The following MACROD2 variants were observed in gnomAD, a reference collection of about 807,000 sequenced individuals.
MACROD2 encodes mono-ADP ribosylhydrolase 2.
A neutral mutation model predicts 70.4 loss-of-function variants in MACROD2; 36 were observed. The ratio of observed to expected loss-of-function variants is 0.51; its 90% CI spans 0.39 to 0.68. The LOEUF (loss-of-function observed/expected upper bound fraction) is 0.68, where lower values mean the gene tolerates loss of function less well. MACROD2 is among the 30% of genes least tolerant of loss of function. The probability of loss-of-function intolerance (pLI) is 0.00; values close to 1 mark genes in which losing one functional copy is unlikely to be tolerated. For missense variants in MACROD2, 496 were observed against 538.4 expected (o/e 0.92, Z 0.78); for synonymous variants, 172 against 178.8 (o/e 0.96, Z 0.30).
At chr20:14,848,602 C>G (rs1286484189) in intron 5 of MACROD2, among the ~76,000 whole-genome samples, 1 of 152,116 alleles carries the variant, frequency 6.6e-6, no homozygotes, top group Non-Finnish European at 1.5e-5. Flanking sequence ...TAAGCCTGTA[C>G]TGTCTGATAT....
At chr20:14,599,264 C>T (rs778049398) in intron 4 of MACROD2, among the ~76,000 whole-genome samples, 1 of 151,922 alleles carries the variant, frequency 6.6e-6, no homozygotes, top group Non-Finnish European at 1.5e-5. Context: ...TCTGTTGTGC[C>T]CTATTAAAAT....
At chr20:14,706,117 C>T (rs1296503037) in intron 5 of MACROD2, among the ~76,000 whole-genome samples, 1 of 151,982 alleles carries the variant, frequency 6.6e-6, no homozygotes, top group East Asian at 1.9e-4. Flanking sequence ...AGATCGATAC[C>T]ATCCTGGCCA....
intron 5 of MACROD2, among the ~76,000 whole-genome samples, chr20:14,836,856 C>T (rs2073035315): frequency 6.6e-6 from 1 of 151,914 alleles, no homozygotes; most frequent in African/African-American, 2.4e-5. Flanking sequence ...TTTTATGATT[C>T]CAAAAGCATA....
chr20:15,483,310 A>G (rs1240540940), intron 7 of MACROD2, among the ~76,000 whole-genome samples: 1 of 152,300 alleles, frequency 6.6e-6, no homozygotes, highest in East Asian at 1.9e-4. Context: ...GTTTGTTGAA[A>G]AGACTTGCTT....
chr20:14,782,815 TC>T (rs2072318703), intron 5 of MACROD2, among the ~76,000 whole-genome samples: 1 of 152,060 alleles, frequency 6.6e-6, no homozygotes, highest in Non-Finnish European at 1.5e-5. Flanking sequence ...CCAGTCTCTA[TC>T]CCAGGTGCTG....
At chr20:14,886,325 A>T (rs1195956059) in intron 5 of MACROD2, among the ~76,000 whole-genome samples, 1 of 152,126 alleles carries the variant, frequency 6.6e-6, no homozygotes, top group Non-Finnish European at 1.5e-5. Flanking sequence ...GGCTGGAGTG[A>T]ACTAAGAGGA....
chr20:15,672,602 C>T (rs1480552715), intron 8 of MACROD2, among the ~76,000 whole-genome samples: 2 of 152,114 alleles, frequency 1.3e-5, no homozygotes, highest in Non-Finnish European at 2.9e-5. Context: ...TCAGCCTCGG[C>T]CAATTCACAC....
At chr20:15,302,756 A>G (rs1231461855) in intron 6 of MACROD2, among the ~76,000 whole-genome samples, 2 of 152,208 alleles carry the variant, frequency 1.3e-5, no homozygotes, top group Non-Finnish European at 2.9e-5. Context: ...GTACCATTTC[A>G]CATTCCACCG....
intron 5 of MACROD2, chr20:14,757,907 C>A: frequency 1.6e-6 from 2 of 1,280,352 alleles, no homozygotes; most frequent in Non-Finnish European, 1.1e-6. Flanking sequence ...ACCTGCAAGA[C>A]TCACAAGAGG....
intron 8 of MACROD2, among the ~76,000 whole-genome samples, chr20:15,610,659 C>A (rs1038542285): frequency 6.6e-6 from 1 of 152,160 alleles, no homozygotes; most frequent in Non-Finnish European, 1.5e-5. Context: ...TTATGGGAGA[C>A]CACCATTCAA....
intron 7 of MACROD2, among the ~76,000 whole-genome samples, chr20:15,443,868 T>C (rs1446764101): frequency 6.6e-6 from 1 of 152,166 alleles, no homozygotes; most frequent in East Asian, 1.9e-4. Flanking sequence ...CTGGTTTCTA[T>C]TTTTTTACTT....
intron 6 of MACROD2, among the ~76,000 whole-genome samples, chr20:15,393,696 A>G (rs2045823399): frequency 6.6e-6 from 1 of 152,132 alleles, no homozygotes; most frequent in African/African-American, 2.4e-5. Flanking sequence ...GTGTTTTTCT[A>G]TTAGATACAT....
At chr20:15,939,764 A>G (rs1210056814) in intron 12 of MACROD2, among the ~76,000 whole-genome samples, 6 of 152,134 alleles carry the variant, frequency 3.9e-5, no homozygotes, top group African/African-American at 1.4e-4. Flanking sequence ...TAAACTGAAA[A>G]TATGGAAAGG....
chr20:15,406,111 T>A (rs2045997536), intron 6 of MACROD2, among the ~76,000 whole-genome samples: 1 of 152,148 alleles, frequency 6.6e-6, no homozygotes, highest in Non-Finnish European at 1.5e-5. Context: ...CACTGCCACA[T>A]CCTTTCTCCT....
chr20:15,649,080 T>TCCCCTC (rs1568951660), intron 8 of MACROD2, among the ~76,000 whole-genome samples: 6 of 60,634 alleles, frequency 9.9e-5, no homozygotes, highest in Admixed American at 5.0e-4. Flanking sequence ...CCCCTCCCCT[T>TCCCCTC]CCCTCCCCTT....
intron 5 of MACROD2, among the ~76,000 whole-genome samples, chr20:14,781,779 G>T (rs1261973798): frequency 6.6e-6 from 1 of 151,824 alleles, no homozygotes; most frequent in Non-Finnish European, 1.5e-5. Flanking sequence ...GCAAAAAGAG[G>T]CAGATTTAGT....
intron 5 of MACROD2, among the ~76,000 whole-genome samples, chr20:15,202,712 G>A (rs553945330): frequency 3.4e-4 from 51 of 152,106 alleles, no homozygotes; most frequent in Non-Finnish European, 6.3e-4. Flanking sequence ...AAATTACTGT[G>A]TAAAACTTCC....
chr20:15,712,949 C>T (rs2050650652), intron 8 of MACROD2, among the ~76,000 whole-genome samples: 1 of 152,192 alleles, frequency 6.6e-6, no homozygotes, highest in Non-Finnish European at 1.5e-5. Flanking sequence ...TAGGCTTCAC[C>T]TCCACTATTC....
chr20:15,513,744 C>T (rs2047531761), intron 8 of MACROD2, among the ~76,000 whole-genome samples: 1 of 152,144 alleles, frequency 6.6e-6, no homozygotes, highest in Admixed American at 6.5e-5. Context: ...TTTGGCCTAC[C>T]CATAATACCC....
Sources: gnomAD v4.1 joint callset for allele counts (sites outside exome capture counted in the v4.1 genomes callset) on GRCh38, gnomAD v4.1.1 for gene constraint, MANE v1.5 for transcripts, NCBI Gene and HGNC (gene_info 2026-07-23, HGNC 2026-07-21) for gene names.